Variants in TMEM131 observed in about 807,000 individuals in gnomAD.
TMEM131 encodes 2610524E03Rik.
A neutral mutation model predicts 211.6 loss-of-function variants in TMEM131; 66 were observed. The observed-to-expected ratio is 0.31, with a 90% CI of 0.26 to 0.38. The LOEUF is 0.38. Ranked by LOEUF, TMEM131 falls within the 10% of genes least tolerant of loss-of-function variation. The probability of loss-of-function intolerance (pLI) is 1.00; values close to 1 mark genes in which losing one functional copy is unlikely to be tolerated. For synonymous variants in TMEM131, 844 were observed against 841.3 expected (o/e 1.00, Z -0.06); for missense variants, 2,036 against 2,299.3 (o/e 0.89, Z 2.34).
At chr2:97,784,475 G>T (rs1004755036) in intron 31 of TMEM131, among the ~76,000 whole-genome samples, 2 of 152,020 alleles carry the variant, frequency 1.3e-5, no homozygotes, top group Non-Finnish European at 2.9e-5. Flanking sequence ...AATCTTGGAA[G>T]ACTGGAAACT....
chr2:97,907,316 T>C (rs1487910680), intron 3 of TMEM131: 2 of 152,152 alleles, frequency 1.3e-5, no homozygotes, highest in African/African-American at 4.8e-5. Context: ...AAAAGGGCCA[T>C]GTTACTGCAG....
At chr2:97,924,841 G>A (rs908497793) in intron 2 of TMEM131, among the ~76,000 whole-genome samples, 3 of 152,128 alleles carry the variant, frequency 2.0e-5, no homozygotes, top group African/African-American at 7.2e-5. Context: ...CCTTTAAAAT[G>A]AGGTGCAAAA....
chr2:97,802,309 T>C, intron 24 of TMEM131, 119 bp downstream of exon 24: 1 of 807,792 alleles, frequency 1.2e-6, no homozygotes, highest in Non-Finnish European at 1.9e-6. Flanking sequence ...ACCTTATAGA[T>C]CCAGAACTTC....
intron 3 of TMEM131, among the ~76,000 whole-genome samples, chr2:97,907,536 T>C (rs1676123929): frequency 6.6e-6 from 1 of 152,170 alleles, no homozygotes; most frequent in Admixed American, 6.6e-5. Context: ...GAACAAATGC[T>C]TCCCTGTTCC....
Position 97,875,652 on chromosome 2 carries a change from A to T in TMEM131, c.359+12400T>A, listed in dbSNP as rs182599744. ...ATAATGAAATGAAGGCAGAAAAAAG[A>T]TGTTCTTTGAAACCAATGAGAATGA... On this transcript the variant is annotated intron_variant, in intron 4 of 40. Transcript: ENST00000186436. Among the ~76,000 whole-genome samples the T allele has an allele frequency of 2.6e-5, 4 of 152,328 alleles. No individual in the cohort carries two copies. In the East Asian group the frequency reaches 7.7e-4, roughly 29 times the overall value.
intron 3 of TMEM131, among the ~76,000 whole-genome samples, chr2:97,890,473 T>G (rs1209018905): frequency 6.6e-6 from 1 of 152,200 alleles, no homozygotes; most frequent in Non-Finnish European, 1.5e-5. Context: ...GGATACACAG[T>G]CATGACATGG....
intron 3 of TMEM131, among the ~76,000 whole-genome samples, chr2:97,892,079 T>C (rs976144085): frequency 1.3e-5 from 2 of 152,252 alleles, no homozygotes; most frequent in African/African-American, 4.8e-5. Context: ...ACTTCTCCTA[T>C]ATGATATATA....
At chr2:97,968,216 T>G (rs939817438) in intron 1 of TMEM131, among the ~76,000 whole-genome samples, 1 of 152,094 alleles carries the variant, frequency 6.6e-6, no homozygotes, top group African/African-American at 2.4e-5. Context: ...ACGAATTAAT[T>G]TGCTGGTGTT....
intron 19 of TMEM131, among the ~76,000 whole-genome samples, chr2:97,807,539 A>T (rs1681365995): frequency 6.6e-6 from 1 of 152,208 alleles, no homozygotes; most frequent in African/African-American, 2.4e-5. Context: ...CAATGCAGAC[A>T]CTGGGGCCAT....
intron 25 of TMEM131, among the ~76,000 whole-genome samples, chr2:97,799,654 G>A (rs116042410): frequency 0.018 from 2,808 of 152,304 alleles, 27 homozygotes; most frequent in Middle Eastern, 0.065. Context: ...GATGAGCCTG[G>A]TGGTTAGATT....
At chr2:97,793,861 G>A (rs905142139) in intron 29 of TMEM131, among the ~76,000 whole-genome samples, 4 of 151,464 alleles carry the variant, frequency 2.6e-5, no homozygotes, top group Non-Finnish European at 4.4e-5. Context: ...GGCCGTGGTG[G>A]CGGGCGCCTG....
At chr2:97,864,016 C>T (rs545324471) in intron 4 of TMEM131, among the ~76,000 whole-genome samples, 36 of 152,276 alleles carry the variant, frequency 2.4e-4, no homozygotes, top group African/African-American at 7.7e-4. Context: ...AAATGTGGTA[C>T]ATATACACGA....
chr2:97,880,300 A>G (rs1674873001), intron 4 of TMEM131, among the ~76,000 whole-genome samples: 1 of 152,194 alleles, frequency 6.6e-6, no homozygotes, highest in African/African-American at 2.4e-5. Context: ...TTTATCCTGA[A>G]GGCAAATAGG....
chr2:97,812,837 T>G lies in TMEM131; in HGVS notation c.1618-88A>C, dbSNP rs1044046963. The stretch of plus-strand genomic sequence containing the variant: ...AGAAAGTAACTATATTAAAGATGTA[T>G]TAAAGTTCCCCCCAAAATTAGCTGG... On this transcript the variant is annotated intron_variant, in intron 15 of 40. Coordinates refer to ENST00000186436, the MANE Select transcript of TMEM131 (RefSeq NM_015348.2). 8.3e-6 allele frequency: 6 copies of G among 726,888 alleles called. No homozygotes were observed. In the South Asian group the frequency reaches 1.2e-4, roughly 15 times the overall value. 45.0% of individuals were successfully genotyped at this position (726,888 alleles called of 1,614,324 possible). A position where few individuals can be genotyped will look rare whatever the true frequency, so the allele number is the denominator to read the frequency against.
intron 22 of TMEM131, among the ~76,000 whole-genome samples, chr2:97,803,823 G>GT (rs1234394116): frequency 1.3e-5 from 2 of 152,166 alleles, no homozygotes; most frequent in African/African-American, 4.8e-5. Context: ...GGACAACACT[G>GT]TAAGTTATTT....
In TMEM131 at chr2:97,815,259, T is replaced by G; in HGVS notation, c.1232A>C (p.Lys411Thr). The change falls in exon 13 of 41, where the codon AAA (lysine) becomes ACA (threonine). Residue 411 changes from lysine (K) to threonine (T), a missense_variant. Around this residue, in one of 3 missense-constraint regions of TMEM131, gnomAD observed 1,623 missense variants for 1,805.9 expected, o/e 0.90. Coordinates refer to ENST00000186436, the MANE Select transcript of TMEM131 (RefSeq NM_015348.2). Reference protein sequence around the residue: ...PSQFSGKITVKAKEKSYSKLE... With the variant: ...PSQFSGKITVTAKEKSYSKLE... ...TTTAGAATAACTCTTTTCCTTTGCT[T>G]TAACTGTTATTTTCCCAGAAAACTG... is the stretch of plus-strand genomic sequence containing the variant. The G allele has an allele frequency of 6.3e-7, 1 of 1,576,230 alleles. No homozygotes were observed. The highest frequency in any genetic ancestry group is 2.3e-5 in the East Asian group (1 of 42,756).
chr2:97,879,232 A>AT (rs1345147558), intron 4 of TMEM131, among the ~76,000 whole-genome samples: 2 of 152,058 alleles, frequency 1.3e-5, no homozygotes, highest in African/African-American at 4.8e-5. Context: ...TAGGGAAAGG[A>AT]TACCGGCAGT....
In TMEM131 at chr2:97,792,996, AC is replaced by A; in HGVS notation, c.3546-13del. ...TGAGTGTGTTCAAGCTGAAAAAGGGACCAACTGCAGATCAGTAAATAGCAAC... is the reference window on the plus strand; with the variant it reads ...TGAGTGTGTTCAAGCTGAAAAAGGGACAACTGCAGATCAGTAAATAGCAAC... On this transcript the variant is annotated splice_polypyrimidine_tract_variant and intron_variant, in intron 30 of 40. Transcript: ENST00000186436. 6.6e-7 allele frequency: 1 copy of A among 1,510,930 alleles called. No individual in the cohort carries two copies. Among genetic ancestry groups the A allele is most frequent in the Non-Finnish European group, 8.8e-7 (1 of 1,131,104 alleles). The allele number at this position is 1,510,930 out of a possible 1,614,324, so 93.6% of individuals were successfully genotyped here.
chr2:97,781,110 C>T (rs1199989303), intron 31 of TMEM131, among the ~76,000 whole-genome samples: 1 of 152,214 alleles, frequency 6.6e-6, no homozygotes. Flanking sequence ...GCGACATTCT[C>T]CCTGAGATTG....
Sources: gnomAD v4.1 joint callset for allele counts (sites outside exome capture counted in the v4.1 genomes callset) on GRCh38, gnomAD v4.1.1 for gene constraint, gnomAD v4.1.1 regional missense constraint, MANE v1.5 for transcripts, NCBI Gene and HGNC (gene_info 2026-07-23, HGNC 2026-07-21) for gene names.